The following TTLL10 variants were observed in gnomAD, a reference collection of about 807,000 sequenced individuals.
TTLL10 encodes the protein inactive polyglycylase TTLL10.
In TTLL10, 61 loss-of-function variants were observed where a neutral mutation model predicts 69.0. The ratio of observed to expected loss-of-function variants is 0.88; its 90% CI spans 0.72 to 1.09. The LOEUF is 1.09. TTLL10 is among the 50% of genes least tolerant of loss of function. TTLL10 has a pLI of 0.00. For missense variants in TTLL10, 962 were observed against 945.9 expected (o/e 1.02, Z -0.22); for synonymous variants, 408 against 393.3 (o/e 1.04, Z -0.44).
chr1:1,186,467 T>G (rs925801665), intron 13 of TTLL10, among the ~76,000 whole-genome samples: 2 of 152,172 alleles, frequency 1.3e-5, no homozygotes, highest in South Asian at 2.1e-4. Context: ...GTTTTATTAT[T>G]GAGCTGTTAT....
intron 13 of TTLL10, among the ~76,000 whole-genome samples, chr1:1,189,174 A>G (rs1333245282): frequency 6.6e-6 from 1 of 152,212 alleles, no homozygotes; most frequent in African/African-American, 2.4e-5. Flanking sequence ...TTCCAGAACA[A>G]TGTTGAATAG....
At chr1:1,182,152 G>A (rs957073089) in intron 9 of TTLL10, among the ~76,000 whole-genome samples, 4 of 152,224 alleles carry the variant, frequency 2.6e-5, no homozygotes, top group African/African-American at 7.2e-5. Flanking sequence ...GGGGGTCAGC[G>A]GCCAGAAGGA....
Position 1,185,495 on chromosome 1 carries a change from AGCTGCCC to A in TTLL10, c.1401+388_1401+394del. ...GGGCCAGGTGTCCTGGAGCAGCAGC[AGCTGCCC>A]GTGCAGGCCCGGACTCTCCCTAGCT... On this transcript the variant is annotated intron_variant, in intron 13 of 15. Transcript: ENST00000379289. This position sits in a 1 kb window ranked among gnomAD's most constrained non-coding sequence, Gnocchi z 6.1. 9.3e-7 allele frequency: 1 copy of A among 1,071,422 alleles called. No individual in the cohort carries two copies. The highest frequency in any genetic ancestry group is 1.1e-6 in the Non-Finnish European group (1 of 885,172). The allele number at this position is 1,071,422 out of a possible 1,614,324, so 66.4% of individuals were successfully genotyped here. A position where few individuals can be genotyped will look rare whatever the true frequency, so the allele number is the denominator to read the frequency against.
At chr1:1,196,398 G>A (rs1648210675) in intron 13 of TTLL10, 1 of 584,238 alleles carries the variant, frequency 1.7e-6, no homozygotes, top group South Asian at 1.9e-5. Context: ...CCTGACACAG[G>A]ACAGGAGCTG....
chr1:1,174,345 C>T (rs1269077263), intron 2 of TTLL10, 24 bp downstream of exon 2: 3 of 152,696 alleles, frequency 2.0e-5, no homozygotes, highest in African/African-American at 7.2e-5. Flanking sequence ...TAGGGCCCCA[C>T]GTGGCCAAGC....
At chr1:1,183,784 CCCTTT>C (rs1341401902) in intron 11 of TTLL10, 131 bp from the exon 12 acceptor site, 1 of 1,161,886 alleles carries the variant, frequency 8.6e-7, no homozygotes, top group Non-Finnish European at 1.2e-6. Flanking sequence ...CAGAAATGCC[CCCTTT>C]CCCTGGAGGT....
chr1:1,197,663 C>G lies in TTLL10; in HGVS notation c.1838C>G (p.Ala613Gly), dbSNP rs772077387. ...APDQPGARRP[A>G]PPPLVPQRPR... ...GACCAGCCGGGCGCCCGCAGGCCTG[C>G]GCCACCTCCCTTGGTGCCGCAGCGT... The change falls in exon 16 of 16, where the codon GCG becomes GGG. Residue 613 changes from alanine to glycine, a missense_variant. Transcript: ENST00000379289. 1.1e-5 allele frequency: 17 copies of G among 1,500,774 alleles called. No individual in the cohort carries two copies. The East Asian group carries it at 1.9e-4, about 17-fold the overall frequency. 93.0% of individuals were successfully genotyped at this position (1,500,774 alleles called of 1,614,324 possible). A position where few individuals can be genotyped will look rare whatever the true frequency, so the allele number is the denominator to read the frequency against.
At chr1:1,183,125 C>A in intron 11 of TTLL10, 78 bp downstream of exon 11, 2 of 1,472,314 alleles carry the variant, frequency 1.4e-6, no homozygotes, top group Non-Finnish European at 1.8e-6. Flanking sequence ...AGCAGGGCCG[C>A]CGAGGAGCCC....
In TTLL10 at chr1:1,181,819, G is replaced by C; in HGVS notation, c.830+4G>C. On this transcript the variant is annotated splice_donor_region_variant and intron_variant, in intron 9 of 15. Transcript: ENST00000379289. The surrounding 1 kb of genome is among the most constrained non-coding windows in gnomAD (Gnocchi z 4.6). ...CAGGATACCTCAGGCCACAGAGGTA[G>C]ACTCAGCCCAGCTGTGAGGGGCCCT... 2 of 1,600,094 alleles carry C rather than the reference G, an allele frequency of 1.2e-6. No homozygotes were observed. Among genetic ancestry groups the C allele is most frequent in the Non-Finnish European group, 1.7e-6 (2 of 1,172,704 alleles).
At chr1:1,175,609 C>CT (rs1646842659) in intron 3 of TTLL10, 3 of 430,008 alleles carry the variant, frequency 7.0e-6, no homozygotes, top group African/African-American at 6.1e-5. Flanking sequence ...TCTCTGCCTC[C>CT]CGTCACCCCC....
At position 1,197,407 on chromosome 1, in the gene TTLL10, C is replaced by T. The variant is rs1473440383; in HGVS notation, c.1613-31C>T. ...CCCCTCCAGCCCCAGCCTCTGCCCC[C>T]CACTCACCCTCTCTCCCCCACCCGC... On this transcript the variant is annotated intron_variant, in intron 15 of 15. Coordinates refer to ENST00000379289, the MANE Select transcript of TTLL10 (RefSeq NM_001130045.2). 2.0e-5 allele frequency: 30 copies of T among 1,476,334 alleles called. 1 individual carries two copies. Among genetic ancestry groups the T allele is most frequent in the Non-Finnish European group, 2.6e-5 (29 of 1,110,590 alleles). 91.5% of individuals were successfully genotyped at this position (1,476,334 alleles called of 1,614,324 possible).
intron 13 of TTLL10, among the ~76,000 whole-genome samples, chr1:1,189,236 G>A (rs965613956): frequency 3.5e-4 from 53 of 152,218 alleles, no homozygotes; most frequent in African/African-American, 1.2e-3. Context: ...GAGGAAGGCC[G>A]TGGGTTTCTC....
At chr1:1,193,055 G>A (rs953275522) in intron 13 of TTLL10, among the ~76,000 whole-genome samples, 44 of 152,204 alleles carry the variant, frequency 2.9e-4, no homozygotes, top group African/African-American at 9.4e-4. Context: ...GGCCGGGCAC[G>A]GTGGCTCACG....
chr1:1,181,821 C>G lies in TTLL10; in HGVS notation c.830+6C>G. The G allele has an allele frequency of 6.3e-7, 1 of 1,596,706 alleles. No individual in the cohort carries two copies. The highest frequency in any genetic ancestry group is 8.5e-7 in the Non-Finnish European group (1 of 1,171,714). ...GGATACCTCAGGCCACAGAGGTAGACTCAGCCCAGCTGTGAGGGGCCCTTC... is the reference window on the plus strand; with the variant it reads ...GGATACCTCAGGCCACAGAGGTAGAGTCAGCCCAGCTGTGAGGGGCCCTTC... On this transcript the variant is annotated splice_donor_region_variant and intron_variant, in intron 9 of 15. Transcript: ENST00000379289. The surrounding 1 kb of genome is among the most constrained non-coding windows in gnomAD (Gnocchi z 4.6).
At chr1:1,179,830 G>T in intron 5 of TTLL10, 93 bp downstream of exon 5, 3 of 1,460,326 alleles carry the variant, frequency 2.1e-6, no homozygotes, top group South Asian at 2.8e-5. Context: ...GGCCCTGGAG[G>T]GTGGTCACGG....
chr1:1,191,842 G>C (rs1169173334), intron 13 of TTLL10, among the ~76,000 whole-genome samples: 1 of 152,282 alleles, frequency 6.6e-6, no homozygotes, highest in Non-Finnish European at 1.5e-5. Context: ...CAAATTAAAG[G>C]AATAGGTTGG....
chr1:1,196,645 C>T lies in TTLL10; in HGVS notation c.1447C>T (p.Pro483Ser). 1.3e-6 allele frequency: 2 copies of T among 1,551,910 alleles called. No individual in the cohort carries two copies. Among genetic ancestry groups the T allele is most frequent in the Non-Finnish European group, 1.7e-6 (2 of 1,147,006 alleles). ...GGCCCACTGCTTTCTGGCCGCCAAG[C>T]CCAAGCTGGACTGCAAGCTGGGTTA... Reference protein sequence around the residue: ...IMAHCFLAAKPKLDCKLGYFD... With the variant: ...IMAHCFLAAKSKLDCKLGYFD... Residue 483 changes from proline to serine, a missense_variant, in exon 14 of 16, where the codon CCC becomes TCC. Pro to Ser is a moderately conservative substitution (Grantham distance 74, BLOSUM62 -1). Transcript: ENST00000379289.
rs1355126308 is a variant in TTLL10, at chr1:1,181,622, C to A, written c.756-119C>A. 7.6e-6 allele frequency: 7 copies of A among 926,102 alleles called. No individual in the cohort carries two copies. The highest frequency in any genetic ancestry group is 1.1e-5 in the Non-Finnish European group (7 of 609,770). The allele number at this position is 926,102 out of a possible 1,614,324, so 57.4% of individuals were successfully genotyped here. The stretch of plus-strand genomic sequence containing the variant: ...GCACCGCCGTCCACCCAGCCACCTC[C>A]TTCCACCACAACTCACAGTCCGCCC... On this transcript the variant is annotated intron_variant, in intron 8 of 15. Coordinates refer to ENST00000379289, the MANE Select transcript of TTLL10 (RefSeq NM_001130045.2). The surrounding 1 kb of genome is among the most constrained non-coding windows in gnomAD (Gnocchi z 4.6).
chr1:1,193,062 C>G, intron 13 of TTLL10, among the ~76,000 whole-genome samples: 1 of 152,226 alleles, frequency 6.6e-6, no homozygotes, highest in East Asian at 1.9e-4. Context: ...CACGGTGGCT[C>G]ACGCCTGTAA....
Sources: allele counts gnomAD v4.1 joint callset (sites outside exome capture counted in the v4.1 genomes callset), GRCh38; gene constraint gnomAD v4.1.1; non-coding constraint Gnocchi (gnomAD v3.1); transcripts MANE v1.5; gene names NCBI Gene and HGNC (gene_info 2026-07-23, HGNC 2026-07-21).